Variants in USP46 observed in about 807,000 individuals in gnomAD.
The protein encoded by USP46 is ubiquitin carboxyl-terminal hydrolase 46.
USP46 carries 12 observed loss-of-function variants against 44.4 expected under a neutral mutation model. The observed-to-expected ratio is 0.27, with a 90% CI of 0.17 to 0.44. The LOEUF is 0.44. Ranked by LOEUF, USP46 falls within the 20% of genes least tolerant of loss-of-function variation. The probability of loss-of-function intolerance (pLI) is 1.00; values close to 1 mark genes in which losing one functional copy is unlikely to be tolerated. For missense variants in USP46, 248 were observed against 444.8 expected, an observed-to-expected ratio of 0.56 and a Z score of 3.98; for synonymous variants, 155 against 161.5, an observed-to-expected ratio of 0.96 and a Z score of 0.31.
intron 8 of USP46, 34 bp from the exon 9 acceptor site, chr4:52,597,775 C>T (rs576839334): frequency 1.5e-5 from 22 of 1,423,100 alleles, no homozygotes; most frequent in Non-Finnish European, 2.1e-5. Context: ...AACACAATTA[C>T]TTAACATGAT....
intron 1 of USP46, among the ~76,000 whole-genome samples, chr4:52,658,791 C>A (rs1035520319): frequency 6.6e-6 from 1 of 152,164 alleles, no homozygotes; most frequent in African/African-American, 2.4e-5. Flanking sequence ...CACCCCCTCC[C>A]CGGGGACGTT....
Position 52,601,893 on chromosome 4 carries a change from A to G in USP46, c.884T>C (p.Met295Thr), listed in dbSNP as rs1716486895. ...AACGACCACCGCAACCAAGTCATACATGCGGTCCAGGTTCACTGCATCACT... is the reference window on the plus strand; with the variant it reads ...AACGACCACCGCAACCAAGTCATACGTGCGGTCCAGGTTCACTGCATCACT... ...TSSDAVNLDR[M>T]YDLVAVVVHC... Residue 295 changes from methionine (M) to threonine (T), a missense_variant, in exon 7 of 9, where the codon ATG becomes ACG. Met to Thr is a moderately conservative substitution (Grantham distance 81, BLOSUM62 -1). Around this residue, in one of 5 missense-constraint regions of USP46, gnomAD observed 98 missense variants for 218.2 expected, o/e 0.45. Transcript: ENST00000441222. The G allele has an allele frequency of 1.9e-6, 3 of 1,613,956 alleles. No individual in the cohort carries two copies. The highest frequency in any genetic ancestry group is 2.5e-6 in the Non-Finnish European group (3 of 1,179,880).
intron 2 of USP46, among the ~76,000 whole-genome samples, chr4:52,629,331 A>G (rs557331896): frequency 6.6e-6 from 1 of 152,328 alleles, no homozygotes; most frequent in South Asian, 2.1e-4. Context: ...ATTACCATTC[A>G]AAGGGAACAT....
chr4:52,657,417 A>G (rs1233185612), intron 1 of USP46, among the ~76,000 whole-genome samples: 1 of 152,122 alleles, frequency 6.6e-6, no homozygotes, highest in Non-Finnish European at 1.5e-5. Context: ...CTCTAGGGGC[A>G]TGCTAGCTCT....
intron 1 of USP46, among the ~76,000 whole-genome samples, chr4:52,632,980 GAAAGA>G (rs1553891289): frequency 2.8e-5 from 2 of 71,434 alleles, no homozygotes; most frequent in Non-Finnish European, 2.7e-5. Context: ...AAGAAAGAAA[GAAAGA>G]AAAGAAAAGA....
At chr4:52,626,348 G>A (rs1717585088) in intron 3 of USP46, 101 bp from the exon 4 acceptor site, 10 of 985,424 alleles carry the variant, frequency 1.0e-5, no homozygotes, top group Middle Eastern at 3.0e-4. Flanking sequence ...TTTTGAGATG[G>A]AGTCTCGCTG....
chr4:52,598,373 G>T (rs1295744996), intron 8 of USP46, among the ~76,000 whole-genome samples: 1 of 152,150 alleles, frequency 6.6e-6, no homozygotes, highest in East Asian at 1.9e-4. Flanking sequence ...TCTGATTTAC[G>T]GTGGCACAGA....
chr4:52,604,394 C>A, intron 6 of USP46, 107 bp downstream of exon 6: 1 of 887,408 alleles, frequency 1.1e-6, no homozygotes, highest in Admixed American at 2.7e-5. Flanking sequence ...GGCTCCATGG[C>A]TACAAGCCCA....
chr4:52,594,236 T>A lies in USP46; in HGVS notation c.*3404A>T, dbSNP rs1333510151. On this transcript the variant is annotated 3_prime_UTR_variant, in exon 9 of 9. Coordinates refer to ENST00000441222, the MANE Select transcript of USP46 (RefSeq NM_022832.4). The stretch of plus-strand genomic sequence containing the variant: ...TTTTAGAGGCAGGGTGTTAAACTGA[T>A]TAAAATTTCACAAGATTGACATTAT... 6.6e-6 allele frequency: 1 copy of A among 152,234 alleles called. No homozygotes were observed. Among genetic ancestry groups the A allele is most frequent in the African/African-American group, 2.4e-5 (1 of 41,464 alleles). The allele number at this position is 152,234 out of a possible 1,614,324, so 9.4% of individuals were successfully genotyped here.
At chr4:52,637,927 G>A (rs972782572) in intron 1 of USP46, among the ~76,000 whole-genome samples, 1 of 151,906 alleles carries the variant, frequency 6.6e-6, no homozygotes, top group Non-Finnish European at 1.5e-5. Context: ...TTCTTCAGAC[G>A]CCTGTGTCCC....
rs1170095699 is a variant in USP46 at position 52,591,840 on chromosome 4, G to T, written c.*5800C>A. The T allele has an allele frequency of 6.6e-6, 1 of 152,188 alleles. No homozygotes were observed. The highest frequency in any genetic ancestry group is 2.4e-5 in the African/African-American group (1 of 41,438). The allele number at this position is 152,188 out of a possible 1,614,324, so 9.4% of individuals were successfully genotyped here. On this transcript the variant is annotated 3_prime_UTR_variant, in exon 9 of 9. Coordinates refer to ENST00000441222, the MANE Select transcript of USP46 (RefSeq NM_022832.4). ...TATTTGGTCATAATGTAAACAGATT[G>T]TTTAGAAATAACAGATATTTGATTC...
chr4:52,649,917 C>G (rs191351787), intron 1 of USP46, among the ~76,000 whole-genome samples: 56 of 152,300 alleles, frequency 3.7e-4, no homozygotes, highest in African/African-American at 1.1e-3. Context: ...CATACACACG[C>G]AGGTGCCTAA....
At chr4:52,624,959 A>G (rs1243816087) in intron 4 of USP46, among the ~76,000 whole-genome samples, 3 of 152,202 alleles carry the variant, frequency 2.0e-5, no homozygotes, top group Non-Finnish European at 2.9e-5. Context: ...CTGTTGTTTA[A>G]GCAACTCATG....
chr4:52,605,485 A>G (rs181556945), intron 5 of USP46, among the ~76,000 whole-genome samples: 99 of 152,362 alleles, frequency 6.5e-4, no homozygotes, highest in African/African-American at 2.3e-3. Context: ...TCCTAGTACC[A>G]TAATGACCAG....
chr4:52,632,990 A>AAAAGAAAAGAAAAGAAAG (rs1717961084), intron 1 of USP46, among the ~76,000 whole-genome samples: 45 of 66,296 alleles, frequency 6.8e-4, no homozygotes, highest in South Asian at 1.2e-3. Context: ...GAAAGAAAAG[A>AAAAGAAAAGAAAAGAAAG]AAAGAAAGAA....
chr4:52,653,840 G>GA (rs914069491), intron 1 of USP46, among the ~76,000 whole-genome samples: 3 of 151,608 alleles, frequency 2.0e-5, no homozygotes. Context: ...CCAGGAGGGG[G>GA]AAAAAAAAGA....
chr4:52,631,267 T>C (rs566817754), intron 1 of USP46, 123 bp from the exon 2 acceptor site: 18 of 674,414 alleles, frequency 2.7e-5, no homozygotes, highest in Non-Finnish European at 3.9e-5. Context: ...TTGTTGATGT[T>C]TGCACTGAAG....
chr4:52,649,261 A>C (rs1718667948), intron 1 of USP46, among the ~76,000 whole-genome samples: 1 of 152,264 alleles, frequency 6.6e-6, no homozygotes, highest in African/African-American at 2.4e-5. Context: ...ATGAACTAAA[A>C]GAGTGAGAAT....
chr4:52,627,875 C>T lies in USP46; in HGVS notation c.331+75G>A, dbSNP rs878977747. 14 of 1,440,764 alleles carry T rather than the reference C, an allele frequency of 9.7e-6. 1 individual carries two copies. The highest frequency in any genetic ancestry group is 8.9e-5 in the South Asian group (6 of 67,776). The allele number at this position is 1,440,764 out of a possible 1,614,324, so 89.2% of individuals were successfully genotyped here. A position where few individuals can be genotyped will look rare whatever the true frequency, so the allele number is the denominator to read the frequency against. ...CCTTTTCAAAAAAATGCCAGCTCTT[C>T]CTTTTGAGGAGATACAGAACCATCA... On this transcript the variant is annotated intron_variant, in intron 3 of 8. Transcript: ENST00000441222.
Sources: allele counts gnomAD v4.1 joint callset (sites outside exome capture counted in the v4.1 genomes callset), GRCh38; gene constraint gnomAD v4.1.1; regional missense constraint gnomAD v4.1.1; transcripts MANE v1.5; gene names NCBI Gene and HGNC (gene_info 2026-07-23, HGNC 2026-07-21).